Variants in PCDHA13 observed in about 807,000 individuals in gnomAD.
PCDHA13 encodes the protein protocadherin alpha 13, also known as protocadherin alpha-13.
Under a neutral mutation model 64.8 loss-of-function variants are expected in PCDHA13, and 54 were observed. The observed-to-expected ratio is 0.83, with a 90% CI of 0.67 to 1.04. The LOEUF (loss-of-function observed/expected upper bound fraction) is 1.04, where lower values mean the gene tolerates loss of function less well. PCDHA13 is among the 50% of genes least tolerant of loss of function. The pLI is 0.00. For missense variants in PCDHA13, 1,248 were observed against 1,254.3 expected, an observed-to-expected ratio of 0.99 and a Z score of 0.08; for synonymous variants, 587 against 564.4, an observed-to-expected ratio of 1.04 and a Z score of -0.57.
At chr5:140,919,069 A>G (rs2078992601) in intron 1 of PCDHA13, among the ~76,000 whole-genome samples, 1 of 152,200 alleles carries the variant, frequency 6.6e-6, no homozygotes, top group African/African-American at 2.4e-5. Context: ...TAAAGTCTCC[A>G]GTTATGACTA....
chr5:141,008,786 T>C (rs2098390952), intron 3 of PCDHA13, among the ~76,000 whole-genome samples: 1 of 152,212 alleles, frequency 6.6e-6, no homozygotes, highest in South Asian at 2.1e-4. Context: ...TGGCTCCCAG[T>C]GTTTTATCTA....
At chr5:140,927,610 A>C in intron 1 of PCDHA13, 2 of 1,614,162 alleles carry the variant, frequency 1.2e-6, no homozygotes, top group Non-Finnish European at 1.7e-6. Flanking sequence ...CGTATACCGC[A>C]CCAAGGTTCC....
chr5:140,987,433 T>C (rs2097253895), intron 3 of PCDHA13, among the ~76,000 whole-genome samples: 1 of 152,108 alleles, frequency 6.6e-6, no homozygotes. Flanking sequence ...CAGGGGGCCT[T>C]TCCCCATGCC....
intron 1 of PCDHA13, among the ~76,000 whole-genome samples, chr5:140,908,266 C>T (rs1281456045): frequency 1.3e-5 from 2 of 152,144 alleles, no homozygotes; most frequent in African/African-American, 4.8e-5. Context: ...AGGGAACTCC[C>T]CATGAGGCCA....
chr5:140,967,682 C>G, intron 1 of PCDHA13: 2 of 1,614,176 alleles, frequency 1.2e-6, no homozygotes, highest in South Asian at 2.2e-5. Context: ...CCGGGAGAGG[C>G]AGCTCTTCAG....
intron 1 of PCDHA13, chr5:140,968,394 G>T: frequency 6.2e-7 from 1 of 1,613,940 alleles, no homozygotes; most frequent in Non-Finnish European, 8.5e-7. Context: ...GAGAAGTTTC[G>T]GGAGTTCTTT....
chr5:140,994,281 G>T (rs2097610222), intron 3 of PCDHA13, among the ~76,000 whole-genome samples: 1 of 152,144 alleles, frequency 6.6e-6, no homozygotes. Flanking sequence ...CCTTTCTTGA[G>T]ACAGTCCCCA....
intron 1 of PCDHA13, among the ~76,000 whole-genome samples, chr5:140,953,278 T>C (rs1227774652): frequency 6.6e-5 from 10 of 152,146 alleles, no homozygotes; most frequent in African/African-American, 2.4e-4. Flanking sequence ...CTTTGCTCTT[T>C]ATATGTGATT....
chr5:141,006,646 A>G (rs1478861419), intron 3 of PCDHA13, among the ~76,000 whole-genome samples: 1 of 152,206 alleles, frequency 6.6e-6, no homozygotes, highest in African/African-American at 2.4e-5. Flanking sequence ...ATAAGAGATG[A>G]TGGTGTCCTG....
At chr5:140,970,009 A>G (rs2096376687) in intron 1 of PCDHA13, among the ~76,000 whole-genome samples, 2 of 152,174 alleles carry the variant, frequency 1.3e-5, no homozygotes, top group African/African-American at 4.8e-5. Flanking sequence ...GGAGTGGATG[A>G]TGGTGAGGCA....
At chr5:140,966,414 G>A (rs1310333281) in intron 1 of PCDHA13, 5 of 420,334 alleles carry the variant, frequency 1.2e-5, no homozygotes, top group African/African-American at 2.1e-5. Context: ...AATCAGAGCA[G>A]GACTTGCTGA....
intron 1 of PCDHA13, among the ~76,000 whole-genome samples, chr5:140,941,192 TTTCTTTCTTCCTTTCTTTCTTCC>T (rs2153649449): frequency 1.0e-5 from 1 of 99,660 alleles, no homozygotes; most frequent in African/African-American, 4.0e-5. Flanking sequence ...CTTCTTTTTT[TTTCTTTCTTCCTTTCTTTCTTCC>T]TTTCTTTCTT....
In PCDHA13 at chr5:140,888,611, G is replaced by C. The variant is rs1554183538; in HGVS notation, c.2394+3949G>C. Reference sequence around the variant, plus strand: ...CACATTCAGAGCAGCTTTTAGTGTAGCACTAATTCGGCCTTCTATTACAGC... The same window carrying C: ...CACATTCAGAGCAGCTTTTAGTGTACCACTAATTCGGCCTTCTATTACAGC... On this transcript the variant is annotated intron_variant, in intron 1 of 3. Transcript: ENST00000289272. Among the ~76,000 whole-genome samples the C allele has an allele frequency of 2.0e-5, 3 of 152,144 alleles. No homozygotes were observed. In the East Asian group the frequency reaches 5.8e-4, roughly 29 times the overall value.
intron 3 of PCDHA13, chr5:140,988,873 G>A (rs1471282852): frequency 6.6e-6 from 1 of 152,170 alleles, no homozygotes; most frequent in Non-Finnish European, 1.5e-5. Context: ...GCACTCAGAT[G>A]TACGATCCTG....
At chr5:140,981,601 T>C (rs2096939953) in intron 2 of PCDHA13, among the ~76,000 whole-genome samples, 1 of 152,086 alleles carries the variant, frequency 6.6e-6, no homozygotes, top group Non-Finnish European at 1.5e-5. Flanking sequence ...AACAAAATGT[T>C]CCTCTAATTT....
chr5:140,972,589 T>C (rs1258846206), intron 1 of PCDHA13, among the ~76,000 whole-genome samples: 2 of 152,074 alleles, frequency 1.3e-5, no homozygotes, highest in Non-Finnish European at 2.9e-5. Flanking sequence ...AGAATTTCTC[T>C]TTGGAAATTT....
intron 1 of PCDHA13, among the ~76,000 whole-genome samples, chr5:140,895,943 TG>T (rs1176755658): frequency 6.6e-6 from 1 of 152,148 alleles, no homozygotes; most frequent in Non-Finnish European, 1.5e-5. Flanking sequence ...CCCGAGTAGC[TG>T]GGATTACAGG....
intron 1 of PCDHA13, among the ~76,000 whole-genome samples, chr5:140,900,519 T>G (rs1264399196): frequency 6.6e-6 from 1 of 152,224 alleles, no homozygotes; most frequent in East Asian, 1.9e-4. Flanking sequence ...TCAGGTGATC[T>G]GCCCACCTCG....
rs782413551 is a variant in PCDHA13, at chr5:141,009,873, A to G, written c.2789A>G (p.Lys930Arg). Residue 930 changes from lysine to arginine, a missense_variant, in exon 4 of 4, where the codon AAG becomes AGG. By Grantham distance (26) the Lys-to-Arg change is conservative. Coordinates refer to ENST00000289272, the MANE Select transcript of PCDHA13 (RefSeq NM_018904.3). ...EETKKKKKKK[K>R]GNKTQEKKEK... The stretch of plus-strand genomic sequence containing the variant: ...ACCAAGAAAAAGAAGAAAAAGAAGA[A>G]GGGTAACAAGACCCAGGAGAAAAAA... 6.2e-7 allele frequency: 1 copy of G among 1,614,034 alleles called. No individual in the cohort carries two copies. The highest frequency in any genetic ancestry group is 8.5e-7 in the Non-Finnish European group (1 of 1,180,008).
Sources: gnomAD v4.1 joint callset for allele counts (sites outside exome capture counted in the v4.1 genomes callset) on GRCh38, gnomAD v4.1.1 for gene constraint, MANE v1.5 for transcripts, NCBI Gene and HGNC (gene_info 2026-07-23, HGNC 2026-07-21) for gene names.